The following EVC2 variants were observed in gnomAD, a reference collection of about 807,000 sequenced individuals.
EVC2 encodes the protein EvC ciliary complex subunit 2.
EVC2 carries 148 observed loss-of-function variants against 149.3 expected under a neutral mutation model. The observed-to-expected ratio is 0.99, with a 90% CI of 0.87 to 1.14. EVC2 has a LOEUF of 1.14. EVC2 is among the 50% of genes most tolerant of loss of function. The pLI is 0.00. For synonymous variants in EVC2, 776 were observed against 649.9 expected (o/e 1.19, Z -2.95); for missense variants, 1,854 against 1,627.3 (o/e 1.14, Z -2.40).
At chr4:5,535,635 A>AGAGAGAGAGAGAGAGAGAGAGAGAGAGAG in the EVC2 span, among the ~76,000 whole-genome samples, 6 of 87,862 alleles carry the variant, frequency 6.8e-5, no homozygotes, top group African/African-American at 3.0e-4. This position sits in a 1 kb window ranked among gnomAD's most constrained non-coding sequence, Gnocchi z 4.7. Flanking sequence ...GAGAGAGAGA[A>AGAGAGAGAGAGAGAGAGAGAGAGAGAGAG]AGAGATAATC....
At chr4:5,653,675 A>G (rs1718300802) in intron 9 of EVC2, among the ~76,000 whole-genome samples, 1 of 152,212 alleles carries the variant, frequency 6.6e-6, no homozygotes, top group South Asian at 2.1e-4. Flanking sequence ...CATTCACTGT[A>G]ACAAATGTAG....
intron 16 of EVC2, among the ~76,000 whole-genome samples, chr4:5,602,876 C>T (rs575436949): frequency 8.5e-5 from 13 of 152,162 alleles, no homozygotes; most frequent in African/African-American, 2.6e-4. Flanking sequence ...AGCAAGCATG[C>T]TATTTAGAGT....
At chr4:5,667,180 T>C (rs905230885) in intron 7 of EVC2, among the ~76,000 whole-genome samples, 2 of 152,072 alleles carry the variant, frequency 1.3e-5, no homozygotes, top group Non-Finnish European at 1.5e-5. Flanking sequence ...ATAATCTCCA[T>C]TTCACTAAAA....
chr4:5,707,150 C>G (rs528969063), intron 1 of EVC2, among the ~76,000 whole-genome samples: 1 of 152,254 alleles, frequency 6.6e-6, no homozygotes, highest in East Asian at 1.9e-4. Context: ...TTGGTTTTGT[C>G]ACCTGCAAAA....
chr4:5,571,631 A>G (rs1056086893), intron 19 of EVC2, among the ~76,000 whole-genome samples: 1 of 152,112 alleles, frequency 6.6e-6, no homozygotes, highest in Non-Finnish European at 1.5e-5. Context: ...AGAGAAATGG[A>G]GGACTGAGCT....
At chr4:5,616,490 G>C (rs1284748873) in intron 15 of EVC2, among the ~76,000 whole-genome samples, 1 of 152,188 alleles carries the variant, frequency 6.6e-6, no homozygotes, top group South Asian at 2.1e-4. Flanking sequence ...GAAATGCAGG[G>C]GTTCCCTGGT....
intron 19 of EVC2, 127 bp downstream of exon 19, chr4:5,574,558 C>T: frequency 1.1e-6 from 1 of 941,068 alleles, no homozygotes; most frequent in East Asian, 2.4e-5. Context: ...TCGCACACAT[C>T]TGCTCTGCAG....
chr4:5,574,992 G>A (rs540189632), intron 18 of EVC2, among the ~76,000 whole-genome samples: 12 of 152,260 alleles, frequency 7.9e-5, no homozygotes, highest in African/African-American at 2.4e-4. Flanking sequence ...GAGGCTCCTC[G>A]AAGTGAAAAG....
intron 16 of EVC2, among the ~76,000 whole-genome samples, chr4:5,600,767 G>GAAGAAAAGGAT (rs1713909675): frequency 6.6e-6 from 1 of 152,130 alleles, no homozygotes; most frequent in African/African-American, 2.4e-5. Flanking sequence ...AGCTAAAACA[G>GAAGAAAAGGAT]AAGAAAAGGA....
chr4:5,595,496 T>C (rs1713306153), intron 16 of EVC2, among the ~76,000 whole-genome samples: 1 of 152,060 alleles, frequency 6.6e-6, no homozygotes, highest in African/African-American at 2.4e-5. Context: ...ACAAATAAAA[T>C]ACTTTACAGA....
intron 19 of EVC2, among the ~76,000 whole-genome samples, chr4:5,570,514 G>C (rs1413274340): frequency 6.6e-6 from 1 of 152,190 alleles, no homozygotes; most frequent in Non-Finnish European, 1.5e-5. Context: ...GGACCACAAA[G>C]TGTGAAAAGG....
intron 2 of EVC2, 136 bp downstream of exon 2, chr4:5,697,457 G>A (rs1721553643): frequency 1.2e-6 from 1 of 855,076 alleles, no homozygotes; most frequent in African/African-American, 1.7e-5. Flanking sequence ...GTAAGGTCAG[G>A]GAATGATCTA....
intron 21 of EVC2, among the ~76,000 whole-genome samples, chr4:5,555,130 A>C (rs550588148): frequency 6.6e-6 from 1 of 152,178 alleles, no homozygotes; most frequent in African/African-American, 2.4e-5. Context: ...AAGGGAAATA[A>C]GTATAGCCAC....
chr4:5,707,856 C>T (rs1346322683), intron 1 of EVC2, among the ~76,000 whole-genome samples: 1 of 152,072 alleles, frequency 6.6e-6, no homozygotes, highest in Non-Finnish European at 1.5e-5. Flanking sequence ...CAAGAGCCCC[C>T]ACTTTTAAAA....
intron 16 of EVC2, among the ~76,000 whole-genome samples, chr4:5,603,689 TC>T (rs1352846125): frequency 2.8e-4 from 43 of 152,198 alleles, no homozygotes; most frequent in South Asian, 1.5e-3. Context: ...GCACGACACA[TC>T]ATGAAATCTG....
Position 5,697,648 on chromosome 4 carries a change from C to A in EVC2, c.229-1G>T, listed in dbSNP as rs1214848359. 1.2e-6 allele frequency: 2 copies of A among 1,613,784 alleles called. No individual in the cohort carries two copies. Among genetic ancestry groups the A allele is most frequent in the Non-Finnish European group, 1.7e-6 (2 of 1,179,922 alleles). On this transcript the variant is annotated splice_acceptor_variant, in intron 1 of 21. Transcript: ENST00000344408. LOFTEE classifies it high-confidence loss of function. ...TGGGCCAAATCATACAGGGCAAGTC[C>A]TAAAAAATTCAAGACACAAAGTCAT... is the stretch of plus-strand genomic sequence containing the variant.
chr4:5,693,416 A>G (rs1325144325), intron 3 of EVC2, among the ~76,000 whole-genome samples: 1 of 152,244 alleles, frequency 6.6e-6, no homozygotes, highest in East Asian at 1.9e-4. Context: ...TAAGTGGCAC[A>G]TAGAGAAGAC....
chr4:5,610,904 C>T (rs1234584553), intron 16 of EVC2, among the ~76,000 whole-genome samples: 3 of 149,330 alleles, frequency 2.0e-5, no homozygotes, highest in Admixed American at 1.3e-4. Context: ...GGTTTCCTAT[C>T]CAAATGGACG....
Position 5,584,830 on chromosome 4 carries a change from C to T in EVC2, c.2850G>A (p.Arg950=), listed in dbSNP as rs1712133915. The part of the protein sequence containing the change: ...LVEKVRGELL[R]ERVQRMEAQE... ...GTGCCTCCATCCGCTGCACTCTCTC[C>T]CGCAGCAATTCACCTCGAACCTGGG... The change falls in exon 17 of 22, where the codon CGG becomes CGA. Residue 950 remains arginine (R), a synonymous_variant. Coordinates refer to ENST00000344408, the MANE Select transcript of EVC2 (RefSeq NM_147127.5). 1 of 1,614,072 alleles carries T rather than the reference C, an allele frequency of 6.2e-7. No homozygotes were observed. Among genetic ancestry groups the T allele is most frequent in the African/African-American group, 1.3e-5 (1 of 74,932 alleles).
Sources: gnomAD v4.1 joint callset for allele counts (sites outside exome capture counted in the v4.1 genomes callset) on GRCh38, gnomAD v4.1.1 for gene constraint, Gnocchi (gnomAD v3.1) non-coding constraint, MANE v1.5 for transcripts, NCBI Gene and HGNC (gene_info 2026-07-23, HGNC 2026-07-21) for gene names.